TPST2: variants seen among roughly 807,000 people sequenced by gnomAD.
The protein encoded by TPST2 is protein-tyrosine sulfotransferase 2.
In TPST2, 16 loss-of-function variants were observed where a neutral mutation model predicts 27.8. The ratio of observed to expected loss-of-function variants is 0.58; its 90% CI spans 0.39 to 0.88. The LOEUF (loss-of-function observed/expected upper bound fraction) is 0.88, where lower values mean the gene tolerates loss of function less well. TPST2 is among the 40% of genes least tolerant of loss of function. The pLI is 0.00. For synonymous variants in TPST2, 229 were observed against 231.7 expected (o/e 0.99, Z 0.10); for missense variants, 464 against 543.1 (o/e 0.85, Z 1.45).
intron 1 of TPST2, among the ~76,000 whole-genome samples, chr22:26,575,438 C>T (rs1265909300): frequency 4.0e-5 from 6 of 150,622 alleles, no homozygotes; most frequent in Non-Finnish European, 5.9e-5. Flanking sequence ...TGCAAGACCA[C>T]GCACAGAACA....
At chr22:26,582,283 C>T (rs566042425) in intron 1 of TPST2, among the ~76,000 whole-genome samples, 4 of 152,130 alleles carry the variant, frequency 2.6e-5, no homozygotes, top group South Asian at 2.1e-4. Context: ...AAAAATTAGC[C>T]GGGCATGGTG....
chr22:26,557,411 G>C (rs1370133623), intron 1 of TPST2, among the ~76,000 whole-genome samples: 11 of 152,218 alleles, frequency 7.2e-5, no homozygotes. Context: ...CTGCTGTGAG[G>C]ATTAAGTGAG....
chr22:26,569,927 G>A (rs1927535310), intron 1 of TPST2, among the ~76,000 whole-genome samples: 1 of 142,756 alleles, frequency 7.0e-6, no homozygotes, highest in Non-Finnish European at 1.5e-5. Flanking sequence ...ACTCCAGCCT[G>A]GGTGTCAGAG....
At chr22:26,536,264 CCA>C (rs1722973802) in intron 4 of TPST2, 22 bp downstream of exon 4, 2 of 1,613,654 alleles carry the variant, frequency 1.2e-6, no homozygotes, top group South Asian at 2.2e-5. Flanking sequence ...GAGTACACTT[CCA>C]CAAGTACAGG....
intron 1 of TPST2, among the ~76,000 whole-genome samples, chr22:26,589,779 G>A (rs1034412809): frequency 2.0e-5 from 3 of 152,150 alleles, no homozygotes; most frequent in African/African-American, 7.2e-5. Flanking sequence ...GGTCCGAAGC[G>A]GGAAGCGTGG....
intron 1 of TPST2, among the ~76,000 whole-genome samples, chr22:26,588,706 GCTTTA>G (rs1277211928): frequency 2.2e-4 from 33 of 152,298 alleles, no homozygotes; most frequent in African/African-American, 7.9e-4. Flanking sequence ...AATAAACCCA[GCTTTA>G]CAGTTATGGA....
Position 26,541,032 on chromosome 22 carries a change from G to T in TPST2, c.599C>A (p.Ala200Glu), listed in dbSNP as rs781353266. ...HSMITRKVTI[A>E]GFDLSSYRDC... ...ACGGTAGCTGCTGAGGTCAAAGCCC[G>T]CAATGGTGACTTTGCGCGTGATCAT... The change falls in exon 3 of 7, where the codon GCG (alanine) becomes GAG (glutamate). Residue 200 changes from alanine to glutamate, a missense_variant. Physicochemically the swap from Ala to Glu is moderately radical, Grantham distance 107. Coordinates refer to ENST00000338754, the MANE Select transcript of TPST2 (RefSeq NM_003595.5). The surrounding 1 kb of genome is among the most constrained non-coding windows in gnomAD (Gnocchi z 5.9). 1 of 1,614,024 alleles carries T rather than the reference G, an allele frequency of 6.2e-7. No individual in the cohort carries two copies. Among genetic ancestry groups the T allele is most frequent in the South Asian group, 1.1e-5 (1 of 91,090 alleles).
At chr22:26,536,621 G>T in intron 3 of TPST2, 135 bp from the exon 4 acceptor site, 1 of 751,546 alleles carries the variant, frequency 1.3e-6, no homozygotes. Context: ...CCCATCAACT[G>T]TGAGATGGCA....
intron 1 of TPST2, among the ~76,000 whole-genome samples, chr22:26,574,064 C>A (rs1232831989): frequency 2.6e-5 from 4 of 152,128 alleles, no homozygotes; most frequent in Admixed American, 1.3e-4. Flanking sequence ...AATTGGGGAA[C>A]AGCCTTTTCC....
At chr22:26,562,093 T>C (rs1222531765) in intron 1 of TPST2, among the ~76,000 whole-genome samples, 1 of 152,106 alleles carries the variant, frequency 6.6e-6, no homozygotes, top group African/African-American at 2.4e-5. Flanking sequence ...ACAGCCTCAA[T>C]CCACAGATAC....
chr22:26,540,225 T>C (rs189852350), intron 3 of TPST2, among the ~76,000 whole-genome samples: 129 of 152,348 alleles, frequency 8.5e-4, no homozygotes, highest in African/African-American at 2.5e-3. Context: ...GAGCTGAGGT[T>C]TGAACCCAGA....
chr22:26,535,910 A>T (rs1925429123), intron 4 of TPST2: 2 of 365,040 alleles, frequency 5.5e-6, no homozygotes, highest in Admixed American at 7.4e-5. Context: ...CAAGAAAGGG[A>T]CCAATAGTTT....
chr22:26,530,710 G>GT (rs1444543319), intron 5 of TPST2, among the ~76,000 whole-genome samples: 1 of 151,478 alleles, frequency 6.6e-6, no homozygotes, highest in Non-Finnish European at 1.5e-5. Context: ...GGCTAAAAGT[G>GT]TTTTACAAAA....
At chr22:26,583,623 A>G (rs1249785461) in intron 1 of TPST2, among the ~76,000 whole-genome samples, 2 of 151,592 alleles carry the variant, frequency 1.3e-5, no homozygotes, top group African/African-American at 4.8e-5. Context: ...TGGGAGGCCA[A>G]GGCAGGCGGA....
intron 1 of TPST2, among the ~76,000 whole-genome samples, chr22:26,561,580 T>C (rs1196915483): frequency 6.6e-6 from 1 of 152,228 alleles, no homozygotes; most frequent in Non-Finnish European, 1.5e-5. Context: ...TTGTTGACAT[T>C]CTGAATGCTT....
intron 1 of TPST2, among the ~76,000 whole-genome samples, chr22:26,545,085 G>T (rs1926048236): frequency 6.6e-6 from 1 of 152,184 alleles, no homozygotes; most frequent in African/African-American, 2.4e-5. Context: ...GGGTATGGTT[G>T]ATCAGGTTGT....
intron 5 of TPST2, 66 bp downstream of exon 5, chr22:26,532,629 G>T: frequency 6.6e-7 from 1 of 1,515,198 alleles, no homozygotes; most frequent in Non-Finnish European, 9.1e-7. Flanking sequence ...ACATCTAAGG[G>T]CATACAGCCA....
chr22:26,536,306 G>A lies in TPST2; in HGVS notation c.1023C>T (p.Val341=), dbSNP rs764264190. 1.2e-6 allele frequency: 2 copies of A among 1,614,206 alleles called. No individual in the cohort carries two copies. The highest frequency in any genetic ancestry group is 1.7e-6 in the Non-Finnish European group (2 of 1,180,042). The change falls in exon 4 of 7, where the codon GTC becomes GTT. Residue 341 remains valine, a synonymous_variant. Transcript: ENST00000338754. ...CACTCACCCGCTGTGTGTTGTTGATGACGAAGGGGTCAGGGTTGCCATAGT... is the reference window on the plus strand; with the variant it reads ...CACTCACCCGCTGTGTGTTGTTGATAACGAAGGGGTCAGGGTTGCCATAGT... ...PPNYGNPDPF[V]INNTQRVLKG...
intron 1 of TPST2, among the ~76,000 whole-genome samples, chr22:26,546,108 C>G (rs955626727): frequency 4.6e-5 from 7 of 151,694 alleles, no homozygotes; most frequent in African/African-American, 1.7e-4. Context: ...AAAAACTCAG[C>G]TTTTATTATT....
Sources: gnomAD v4.1 joint callset for allele counts (sites outside exome capture counted in the v4.1 genomes callset) on GRCh38, gnomAD v4.1.1 for gene constraint, Gnocchi (gnomAD v3.1) non-coding constraint, MANE v1.5 for transcripts, NCBI Gene and HGNC (gene_info 2026-07-23, HGNC 2026-07-21) for gene names.